SLC27A5: variants seen among roughly 807,000 people sequenced by gnomAD.
SLC27A5 encodes the protein long-chain fatty acid transport protein 5.
In SLC27A5, 47 loss-of-function variants were observed where a neutral mutation model predicts 63.1. That is an observed-to-expected ratio of 0.74 (90% CI 0.59 to 0.95). The LOEUF (loss-of-function observed/expected upper bound fraction) is 0.95, where lower values mean the gene tolerates loss of function less well. Among genes scored for constraint, SLC27A5 ranks in the 40% least tolerant of loss-of-function variants. SLC27A5 has a pLI of 0.00. For synonymous variants in SLC27A5, 391 were observed against 403.8 expected (o/e 0.97, Z 0.38); for missense variants, 940 against 921.0 (o/e 1.02, Z -0.27).
At position 58,510,822 on chromosome 19, in the gene SLC27A5, GC is replaced by G. The variant is rs1229469608; in HGVS notation, c.796del (p.Ala266LeufsTer50). 8.1e-6 allele frequency: 13 copies of G among 1,613,180 alleles called. No homozygotes were observed. The highest frequency in any genetic ancestry group is 1.1e-5 in the Non-Finnish European group (13 of 1,179,804). On this transcript the variant is annotated frameshift_variant, in exon 2 of 10. Coordinates refer to ENST00000263093, the MANE Select transcript of SLC27A5 (RefSeq NM_012254.3). LOFTEE classifies it high-confidence loss of function. The stretch of plus-strand genomic sequence containing the variant: ...GTGGGAGGGCGCTGCATCCAGGGCA[GC>G]CCCCAGAGCCCCCACCCCTGGTGTA... ...SPTPGVGALG[A>X]ALDAAPSHPV...
At position 58,500,382 on chromosome 19, in the gene SLC27A5, C is replaced by G. The variant is rs1600028343; in HGVS notation, c.1425G>C (p.Glu475Asp). ...AGAAGCCCTGATTGTCCCTCACAGG[C>G]TCCGCCGCCTCCATGTCGAACTGCA... The part of the protein sequence containing the change: ...ELVQFDMEAA[E>D]PVRDNQGFCI... The change falls in exon 6 of 10, where the codon GAG becomes GAC. Residue 475 changes from glutamate to aspartate, a missense_variant. Physicochemically the swap from Glu to Asp is conservative, Grantham distance 45. Coordinates refer to ENST00000263093, the MANE Select transcript of SLC27A5 (RefSeq NM_012254.3). The G allele has an allele frequency of 6.2e-7, 1 of 1,613,752 alleles. No individual in the cohort carries two copies. Among genetic ancestry groups the G allele is most frequent in the East Asian group, 2.2e-5 (1 of 44,866 alleles).
At chr19:58,503,214 A>G (rs1266228887) in intron 3 of SLC27A5, among the ~76,000 whole-genome samples, 3 of 151,230 alleles carry the variant, frequency 2.0e-5, no homozygotes, top group African/African-American at 7.3e-5. Flanking sequence ...TAAAAAAAAA[A>G]AAAAAGAAAA....
In SLC27A5 at chr19:58,510,938, G is replaced by T. The variant is rs773672871; in HGVS notation, c.689-8C>A. On this transcript the variant is annotated splice_polypyrimidine_tract_variant and splice_region_variant and intron_variant, in intron 1 of 9. Coordinates refer to ENST00000263093, the MANE Select transcript of SLC27A5 (RefSeq NM_012254.3). ...CCAGGCTCTCCCGGAGGTCTGCAGA[G>T]ATGGGTCAGAGGAGAAACAGAGGCA... 12 of 1,584,110 alleles carry T rather than the reference G, an allele frequency of 7.6e-6. No individual in the cohort carries two copies. The South Asian group carries it at 1.4e-4, about 18-fold the overall frequency.
intron 3 of SLC27A5, among the ~76,000 whole-genome samples, chr19:58,505,804 C>T (rs1310196929): frequency 2.1e-5 from 3 of 145,302 alleles, no homozygotes; most frequent in African/African-American, 5.1e-5. Flanking sequence ...GCCGACATCG[C>T]GCCATTGCAT....
At chr19:58,506,408 G>A (rs1262432434) in intron 3 of SLC27A5, among the ~76,000 whole-genome samples, 1 of 152,142 alleles carries the variant, frequency 6.6e-6, no homozygotes, top group Non-Finnish European at 1.5e-5. Flanking sequence ...GGAGGCGCAT[G>A]CCTGTAATCC....
intron 3 of SLC27A5, among the ~76,000 whole-genome samples, chr19:58,505,298 C>A (rs951996048): frequency 9.9e-5 from 15 of 151,774 alleles, no homozygotes; most frequent in African/African-American, 3.6e-4. Context: ...AGGGTTTCAC[C>A]ATGTTGGCCA....
At chr19:58,504,588 G>C (rs866583069) in intron 3 of SLC27A5, among the ~76,000 whole-genome samples, 900 of 77,838 alleles carry the variant, frequency 0.012, 98 homozygotes, top group South Asian at 0.035. Context: ...GGGGGGGGGG[G>C]GCGGGCGGGG....
Position 58,510,917 on chromosome 19 carries a change from G to C in SLC27A5, c.702C>G (p.Ser234Arg), listed in dbSNP as rs1486362274. The C allele has an allele frequency of 6.2e-7, 1 of 1,605,996 alleles. No homozygotes were observed. The highest frequency in any genetic ancestry group is 8.5e-7 in the Non-Finnish European group (1 of 1,175,462). Residue 234 changes from serine to arginine, a missense_variant, in exon 2 of 10, where the codon AGC becomes AGG. Ser to Arg is a moderately radical substitution (Grantham distance 110). Coordinates refer to ENST00000263093, the MANE Select transcript of SLC27A5 (RefSeq NM_012254.3). ...VLVVDPDLRESLEEILPKLQA... is the reference protein window; with the variant it reads ...VLVVDPDLRERLEEILPKLQA... The stretch of plus-strand genomic sequence containing the variant: ...GCAGCTTGGGAAGGATCTCCTCCAG[G>C]CTCTCCCGGAGGTCTGCAGAGATGG...
chr19:58,504,506 G>A (rs144929606), intron 3 of SLC27A5, among the ~76,000 whole-genome samples: 32,872 of 146,044 alleles, frequency 0.23, 4,356 homozygotes, highest in Non-Finnish European at 0.3. Context: ...AAAATTAGCC[G>A]CTTGTGGCGG....
chr19:58,506,449 G>T (rs2053348496), intron 3 of SLC27A5, among the ~76,000 whole-genome samples: 1 of 152,164 alleles, frequency 6.6e-6, no homozygotes, highest in Non-Finnish European at 1.5e-5. Context: ...CCTCAGCAGA[G>T]AATTGCTTGA....
chr19:58,503,326 T>C (rs1351104623), intron 3 of SLC27A5, among the ~76,000 whole-genome samples: 2 of 151,412 alleles, frequency 1.3e-5, no homozygotes, highest in Admixed American at 6.6e-5. Flanking sequence ...GGTTGGTGAA[T>C]GTTTGTATGG....
chr19:58,499,753 T>C, intron 6 of SLC27A5, 63 bp from the exon 7 acceptor site: 1 of 1,531,750 alleles, frequency 6.5e-7, no homozygotes, highest in South Asian at 1.1e-5. Context: ...GCTGGAGGTT[T>C]TCAACAACGG....
chr19:58,499,819 G>A (rs1157305898), intron 6 of SLC27A5, 129 bp from the exon 7 acceptor site: 1 of 783,036 alleles, frequency 1.3e-6, no homozygotes, highest in East Asian at 2.7e-5. Flanking sequence ...CACAGACAGG[G>A]AGATCCAGAG....
rs2053257643 is a variant in SLC27A5, at chr19:58,500,202, G to A, written c.1468+137C>T. The A allele has an allele frequency of 5.7e-6, 4 of 699,492 alleles. No individual in the cohort carries two copies. The East Asian group carries it at 1.1e-4, about 19-fold the overall frequency. 43.3% of individuals were successfully genotyped at this position (699,492 alleles called of 1,614,324 possible). A position where few individuals can be genotyped will look rare whatever the true frequency, so the allele number is the denominator to read the frequency against. Reference sequence around the variant, plus strand: ...CCAGATGGTGGTAAGGCAGGCCACTGGCTCAGGGTCCAGATGAAGGCTGCA... The same window carrying A: ...CCAGATGGTGGTAAGGCAGGCCACTAGCTCAGGGTCCAGATGAAGGCTGCA... On this transcript the variant is annotated intron_variant, in intron 6 of 9. Coordinates refer to ENST00000263093, the MANE Select transcript of SLC27A5 (RefSeq NM_012254.3).
intron 3 of SLC27A5, among the ~76,000 whole-genome samples, chr19:58,502,920 T>C (rs2053296220): frequency 6.6e-6 from 1 of 151,796 alleles, no homozygotes; most frequent in African/African-American, 2.4e-5. Flanking sequence ...GAAAGATGGA[T>C]AGGTGGCTGG....
chr19:58,511,441 C>T lies in SLC27A5; in HGVS notation c.515G>A (p.Gly172Glu). ...ELGDPASLCAGEPTALLVLAS... is the reference protein window; with the variant it reads ...ELGDPASLCAEEPTALLVLAS... ...CAGCACAAGGAGGGCAGTAGGCTCC[C>T]CGGCACACAGGCTCGCAGGGTCACC... Residue 172 changes from glycine to glutamate, a missense_variant, in exon 1 of 10, where the codon GGG becomes GAG. By Grantham distance (98) the Gly-to-Glu change is moderately conservative (BLOSUM62 -2). Coordinates refer to ENST00000263093, the MANE Select transcript of SLC27A5 (RefSeq NM_012254.3). The T allele has an allele frequency of 1.2e-6, 2 of 1,601,712 alleles. No individual in the cohort carries two copies. Among genetic ancestry groups the T allele is most frequent in the African/African-American group, 1.3e-5 (1 of 74,936 alleles).
rs1600032217 is a variant in SLC27A5 at position 58,502,644 on chromosome 19, T to A, written c.1058-1234A>T. ...GAAGATGGATGTGTGGACAGAGTAG[T>A]GAGTGAGAAGATGGATGGGTGAACA... On this transcript the variant is annotated intron_variant, in intron 3 of 9. Coordinates refer to ENST00000263093, the MANE Select transcript of SLC27A5 (RefSeq NM_012254.3). 1.4e-5 allele frequency among the ~76,000 whole-genome samples: 2 copies of A among 142,366 alleles called. 1 individual carries two copies. Among genetic ancestry groups the A allele is most frequent in the East Asian group, 4.2e-4 (2 of 4,792 alleles). The allele number at this position is 142,366 out of a possible 152,430, so 93.4% of individuals were successfully genotyped here.
intron 3 of SLC27A5, among the ~76,000 whole-genome samples, chr19:58,506,241 AAAAC>A (rs758016853): frequency 1.3e-5 from 2 of 151,920 alleles, no homozygotes; most frequent in East Asian, 1.9e-4. Flanking sequence ...TAAAAGTTTG[AAAAC>A]AAACAGACGC....
intron 3 of SLC27A5, among the ~76,000 whole-genome samples, chr19:58,504,587 GGGC>G (rs1434721828): frequency 6.8e-4 from 66 of 96,690 alleles, no homozygotes; most frequent in South Asian, 1.3e-3. Flanking sequence ...GGGGGGGGGG[GGGC>G]GGGCGGGGCG....
Sources: allele counts gnomAD v4.1 joint callset (sites outside exome capture counted in the v4.1 genomes callset), GRCh38; gene constraint gnomAD v4.1.1; transcripts MANE v1.5; gene names NCBI Gene and HGNC (gene_info 2026-07-23, HGNC 2026-07-21).